The following RAB27B variants were observed in gnomAD, a reference collection of about 807,000 sequenced individuals.
RAB27B encodes RAB27B, member RAS oncogene family.
In RAB27B, 15 loss-of-function variants were observed where a neutral mutation model predicts 24.6. That is an observed-to-expected ratio of 0.61 (90% CI 0.41 to 0.94). The LOEUF (loss-of-function observed/expected upper bound fraction) is 0.94, where lower values mean the gene tolerates loss of function less well. Ranked by LOEUF, RAB27B falls within the 40% of genes least tolerant of loss-of-function variation. RAB27B has a pLI of 0.00. For missense variants in RAB27B, 261 were observed against 266.8 expected (o/e 0.98, Z 0.15); for synonymous variants, 105 against 92.5 (o/e 1.14, Z -0.78).
At chr18:54,831,528 C>T (rs936680190) in intron 1 of RAB27B, among the ~76,000 whole-genome samples, 12 of 152,134 alleles carry the variant, frequency 7.9e-5, no homozygotes, top group African/African-American at 2.4e-4. Flanking sequence ...ACTGAGCATA[C>T]TATGAACTTT....
intron 4 of RAB27B, among the ~76,000 whole-genome samples, chr18:54,886,254 T>C (rs1474811806): frequency 2.0e-5 from 3 of 152,144 alleles, no homozygotes; most frequent in Non-Finnish European, 2.9e-5. Context: ...CATGATGTGA[T>C]GTATTTTTGG....
Position 54,892,379 on chromosome 18 carries a change from A to G in RAB27B, c.*2966A>G, listed in dbSNP as rs1488078175. 1.3e-5 allele frequency: 2 copies of G among 152,000 alleles called. No individual in the cohort carries two copies. Among genetic ancestry groups the G allele is most frequent in the Non-Finnish European group, 2.9e-5 (2 of 67,948 alleles). The allele number at this position is 152,000 out of a possible 1,614,324, so 9.4% of individuals were successfully genotyped here. A position where few individuals can be genotyped will look rare whatever the true frequency, so the allele number is the denominator to read the frequency against. On this transcript the variant is annotated 3_prime_UTR_variant, in exon 6 of 6. Coordinates refer to ENST00000262094, the MANE Select transcript of RAB27B (RefSeq NM_004163.4). ...CCCTCACAGAGACACTAACACAGCT[A>G]AAGATCTTCTGATATTATCAGCAAG...
At chr18:54,798,313 G>C (rs943910515) in intron 2 of RAB27B, among the ~76,000 whole-genome samples, 1 of 152,190 alleles carries the variant, frequency 6.6e-6, no homozygotes, top group African/African-American at 2.4e-5. Context: ...TGTATTCCTG[G>C]ATCTGGTCAC....
chr18:54,851,228 T>G (rs1911574627), intron 1 of RAB27B, among the ~76,000 whole-genome samples: 1 of 152,204 alleles, frequency 6.6e-6, no homozygotes, highest in Non-Finnish European at 1.5e-5. Flanking sequence ...TCATTTTGTC[T>G]CTCTATATTG....
At chr18:54,772,313 A>G (rs1162979210) in intron 2 of RAB27B, among the ~76,000 whole-genome samples, 1 of 152,220 alleles carries the variant, frequency 6.6e-6, no homozygotes, top group Non-Finnish European at 1.5e-5. Flanking sequence ...CTGTGCTTAC[A>G]TGCTATGGAC....
In RAB27B at chr18:54,892,670, T is replaced by C. The variant is rs976831967; in HGVS notation, c.*3257T>C. The stretch of plus-strand genomic sequence containing the variant: ...GCCAAGAGTTGAGCCTGTGGGTCTC[T>C]CCATAAGAGTTTTAAAACTCTTGCC... On this transcript the variant is annotated 3_prime_UTR_variant, in exon 6 of 6. Coordinates refer to ENST00000262094, the MANE Select transcript of RAB27B (RefSeq NM_004163.4). The C allele has an allele frequency of 2.0e-5, 3 of 152,104 alleles. No homozygotes were observed. The highest frequency in any genetic ancestry group is 7.2e-5 in the African/African-American group (3 of 41,440). 9.4% of individuals were successfully genotyped at this position (152,104 alleles called of 1,614,324 possible).
intron 3 of RAB27B, among the ~76,000 whole-genome samples, chr18:54,883,363 C>A (rs1460081528): frequency 6.6e-6 from 1 of 152,072 alleles, no homozygotes; most frequent in Admixed American, 6.6e-5. Flanking sequence ...GAAACCAACA[C>A]AAAGGATCTA....
chr18:54,886,611 T>A (rs1285800618), intron 4 of RAB27B, among the ~76,000 whole-genome samples: 1 of 152,120 alleles, frequency 6.6e-6, no homozygotes, highest in Non-Finnish European at 1.5e-5. Context: ...TGTATTTCAT[T>A]ACCCAAATTT....
At chr18:54,844,078 C>T (rs536612711) in intron 1 of RAB27B, among the ~76,000 whole-genome samples, 10 of 152,160 alleles carry the variant, frequency 6.6e-5, no homozygotes, top group African/African-American at 2.2e-4. Context: ...GGTGCCACTT[C>T]GAGAACTGAG....
At chr18:54,860,738 G>A (rs1026236749) in intron 1 of RAB27B, among the ~76,000 whole-genome samples, 2 of 152,190 alleles carry the variant, frequency 1.3e-5, no homozygotes, top group Non-Finnish European at 2.9e-5. Flanking sequence ...GCACATCACA[G>A]AAGGAAAGTT....
chr18:54,755,907 C>G (rs1036852479), intron 2 of RAB27B, among the ~76,000 whole-genome samples: 3 of 152,112 alleles, frequency 2.0e-5, no homozygotes, highest in African/African-American at 7.2e-5. Flanking sequence ...AATACCAGCG[C>G]CACCAAAATC....
intron 1 of RAB27B, among the ~76,000 whole-genome samples, chr18:54,854,768 A>G (rs1236835685): frequency 6.6e-6 from 1 of 152,198 alleles, no homozygotes; most frequent in Non-Finnish European, 1.5e-5. Flanking sequence ...TTTAGTTTAC[A>G]TATAATGTGA....
intron 2 of RAB27B, among the ~76,000 whole-genome samples, chr18:54,776,863 G>A (rs923574200): frequency 6.6e-6 from 1 of 151,944 alleles, no homozygotes; most frequent in Non-Finnish European, 1.5e-5. Context: ...TGGACAACAC[G>A]GCGAAACACC....
intron 2 of RAB27B, among the ~76,000 whole-genome samples, chr18:54,750,872 A>C (rs1907809946): frequency 1.3e-5 from 2 of 152,212 alleles, no homozygotes; most frequent in Non-Finnish European, 2.9e-5. Flanking sequence ...GGTGATGGGC[A>C]GGAGTTAGTC....
At chr18:54,770,345 C>A (rs115772659) in intron 2 of RAB27B, among the ~76,000 whole-genome samples, 1 of 151,956 alleles carries the variant, frequency 6.6e-6, no homozygotes, top group East Asian at 1.9e-4. Context: ...TGATTGGCAG[C>A]GGCATTAGAT....
rs756377371 is a variant in RAB27B at position 54,877,723 on chromosome 18, T to C, written c.138T>C (p.Phe46=). Residue 46 remains phenylalanine, a synonymous_variant, in exon 2 of 6, where the codon TTT becomes TTC. Coordinates refer to ENST00000262094, the MANE Select transcript of RAB27B (RefSeq NM_004163.4). ...TCATCACTACAGTAGGAATAGACTT[T>C]CGGGAAAAACGTGTGGTGAGTTTTT... The part of the protein sequence containing the change: ...PKFITTVGID[F]REKRVVYNAQ... 1 of 1,582,220 alleles carries C rather than the reference T, an allele frequency of 6.3e-7. No individual in the cohort carries two copies. The highest frequency in any genetic ancestry group is 2.3e-5 in the East Asian group (1 of 42,722).
chr18:54,778,844 CTT>C (rs112981715), intron 2 of RAB27B, among the ~76,000 whole-genome samples: 1 of 143,294 alleles, frequency 7.0e-6, no homozygotes, highest in Non-Finnish European at 1.5e-5. Context: ...CAGTTAAGTC[CTT>C]TTTTTTTTTT....
intron 2 of RAB27B, among the ~76,000 whole-genome samples, chr18:54,761,230 A>C (rs1294771608): frequency 1.3e-5 from 2 of 152,134 alleles, no homozygotes; most frequent in African/African-American, 4.8e-5. Context: ...AGACTCTTTA[A>C]GATGTAAGTC....
At chr18:54,842,387 T>G (rs1298886158) in intron 1 of RAB27B, among the ~76,000 whole-genome samples, 1 of 152,228 alleles carries the variant, frequency 6.6e-6, no homozygotes, top group Admixed American at 6.5e-5. Context: ...CCAGTCTTAC[T>G]TCAAGGGCAT....
Sources: gnomAD v4.1 joint callset for allele counts (sites outside exome capture counted in the v4.1 genomes callset) on GRCh38, gnomAD v4.1.1 for gene constraint, MANE v1.5 for transcripts, NCBI Gene and HGNC (gene_info 2026-07-23, HGNC 2026-07-21) for gene names.